CORO2B: variants seen among roughly 807,000 people sequenced by gnomAD.
CORO2B encodes coronin-2B.
Under a neutral mutation model 58.8 loss-of-function variants are expected in CORO2B, and 26 were observed. The observed-to-expected ratio is 0.44, with a 90% CI of 0.32 to 0.61. The LOEUF is 0.61. Ranked by LOEUF, CORO2B falls within the 20% of genes least tolerant of loss-of-function variation. The probability of loss-of-function intolerance (pLI) is 0.04; values close to 1 mark genes in which losing one functional copy is unlikely to be tolerated. For synonymous variants in CORO2B, 242 were observed against 253.8 expected, an observed-to-expected ratio of 0.95 and a Z score of 0.44; for missense variants, 460 against 645.1, an observed-to-expected ratio of 0.71 and a Z score of 3.11.
At chr15:68,669,115 G>C (rs1464785469) in intron 2 of CORO2B, among the ~76,000 whole-genome samples, 1 of 150,760 alleles carries the variant, frequency 6.6e-6, no homozygotes, top group Non-Finnish European at 1.5e-5. Context: ...AGGAAGGAGG[G>C]AAGGAAGGAA....
the CORO2B span, among the ~76,000 whole-genome samples, chr15:68,519,729 T>C: frequency 3.9e-5 from 6 of 152,228 alleles, no homozygotes; most frequent in Admixed American, 2.6e-4. Flanking sequence ...TAGCTTGCCA[T>C]TCTTTTTCTA....
At chr15:68,544,975 C>T in the CORO2B span, among the ~76,000 whole-genome samples, 1 of 152,152 alleles carries the variant, frequency 6.6e-6, no homozygotes, top group Admixed American at 6.5e-5. Flanking sequence ...CGGGGTTTCA[C>T]CGTGTTAGCC....
chr15:68,648,112 C>G (rs1901512795), intron 2 of CORO2B, among the ~76,000 whole-genome samples: 1 of 149,644 alleles, frequency 6.7e-6, no homozygotes, highest in Non-Finnish European at 1.5e-5. Context: ...GTGGGTGGAT[C>G]ACCTGAGTTT....
intron 2 of CORO2B, among the ~76,000 whole-genome samples, chr15:68,675,993 G>C (rs1397711679): frequency 1.3e-5 from 2 of 151,850 alleles, no homozygotes; most frequent in Non-Finnish European, 2.9e-5. Flanking sequence ...GAATAGAATA[G>C]AATAATGCTA....
rs567563637 is a variant in CORO2B, at chr15:68,710,779, G to A, written c.381G>A (p.Thr127=). 6.8e-6 allele frequency: 11 copies of A among 1,612,386 alleles called. No individual in the cohort carries two copies. Among genetic ancestry groups the A allele is most frequent in the African/African-American group, 2.7e-5 (2 of 75,028 alleles). Residue 127 remains threonine (T), a synonymous_variant, in exon 4 of 12, where the codon ACG becomes ACA. Coordinates refer to ENST00000261861, the MANE Select transcript of CORO2B (RefSeq NM_006091.5). This position sits in a 1 kb window ranked among gnomAD's most constrained non-coding sequence, Gnocchi z 4.1. ...IPEGGLKRNM[T]EALLELHGHS... ...AGGGCGGGCTGAAGCGGAACATGACGGAGGCGCTCCTGGAGCTGCACGGGC... is the reference window on the plus strand; with the variant it reads ...AGGGCGGGCTGAAGCGGAACATGACAGAGGCGCTCCTGGAGCTGCACGGGC...
At chr15:68,607,610 G>T (rs1012875913) in intron 1 of CORO2B, among the ~76,000 whole-genome samples, 1 of 152,064 alleles carries the variant, frequency 6.6e-6, no homozygotes, top group African/African-American at 2.4e-5. Flanking sequence ...TTGAAGCCAG[G>T]AGTTTGAGAC....
chr15:68,663,801 G>T (rs185490183), intron 2 of CORO2B, among the ~76,000 whole-genome samples: 1 of 152,136 alleles, frequency 6.6e-6, no homozygotes, highest in African/African-American at 2.4e-5. Flanking sequence ...CCTGTGAAAA[G>T]GTACTACTTT....
At chr15:68,646,385 G>T (rs900113299) in intron 2 of CORO2B, among the ~76,000 whole-genome samples, 6 of 152,182 alleles carry the variant, frequency 3.9e-5, no homozygotes, top group African/African-American at 1.4e-4. Context: ...CGCTCAGGGG[G>T]AGGAAGAGGT....
In CORO2B at chr15:68,710,741, T is replaced by G; in HGVS notation, c.343T>G (p.Trp115Gly). The G allele has an allele frequency of 6.2e-7, 1 of 1,607,428 alleles. No individual in the cohort carries two copies. Among genetic ancestry groups the G allele is most frequent in the Non-Finnish European group, 8.5e-7 (1 of 1,176,740 alleles). ...SCSEDTSVRI[W>G]EIPEGGLKRN... ...TCATCTCCCTCTGCAGGTGCGGATC[T>G]GGGAGATCCCCGAGGGCGGGCTGAA... Residue 115 changes from tryptophan to glycine, a missense_variant, in exon 4 of 12, where the codon TGG becomes GGG. By Grantham distance (184) the Trp-to-Gly change is radical (BLOSUM62 -2). Around this residue, in one of 2 missense-constraint regions of CORO2B, gnomAD observed 352 missense variants for 543.0 expected, o/e 0.65. Transcript: ENST00000261861. This position sits in a 1 kb window ranked among gnomAD's most constrained non-coding sequence, Gnocchi z 4.1.
the CORO2B span, among the ~76,000 whole-genome samples, chr15:68,541,849 T>C: frequency 6.6e-6 from 1 of 152,176 alleles, no homozygotes; most frequent in Admixed American, 6.5e-5. Flanking sequence ...TTTGGAGTTC[T>C]CCGTCTGTGT....
At chr15:68,671,490 G>C (rs765564910) in intron 2 of CORO2B, among the ~76,000 whole-genome samples, 13 of 152,194 alleles carry the variant, frequency 8.5e-5, no homozygotes, top group Admixed American at 8.5e-4. Context: ...AAATATAGCT[G>C]TGTTAATGTT....
intron 3 of CORO2B, among the ~76,000 whole-genome samples, chr15:68,706,836 C>A (rs1366608584): frequency 6.6e-6 from 1 of 152,056 alleles, no homozygotes; most frequent in Admixed American, 6.5e-5. Context: ...CTTAGCCTTC[C>A]CAGTACCTGG....
At chr15:68,723,746 C>T (rs565333125) in intron 11 of CORO2B, among the ~76,000 whole-genome samples, 66 of 152,218 alleles carry the variant, frequency 4.3e-4, no homozygotes, top group South Asian at 3.1e-3. Context: ...CCACCGTGCC[C>T]GGCCGATACC....
chr15:68,530,587 ATGTC>A, the CORO2B span, among the ~76,000 whole-genome samples: 11 of 152,122 alleles, frequency 7.2e-5, no homozygotes, highest in African/African-American at 2.4e-4. Flanking sequence ...ATAATTATGA[ATGTC>A]TGTCCTTGCA....
intron 1 of CORO2B, among the ~76,000 whole-genome samples, chr15:68,643,027 T>C (rs528395691): frequency 6.6e-6 from 1 of 152,300 alleles, no homozygotes; most frequent in South Asian, 2.1e-4. Flanking sequence ...ACTGTATTTT[T>C]CATACTGTAT....
chr15:68,672,182 G>GTGTGTGTA (rs1902424254), intron 2 of CORO2B, among the ~76,000 whole-genome samples: 1 of 152,002 alleles, frequency 6.6e-6, no homozygotes, highest in Non-Finnish European at 1.5e-5. Flanking sequence ...GTGTGTGTGT[G>GTGTGTGTA]TGTACTTTTT....
At chr15:68,681,847 A>C (rs1902800300) in intron 2 of CORO2B, among the ~76,000 whole-genome samples, 1 of 152,184 alleles carries the variant, frequency 6.6e-6, no homozygotes, top group African/African-American at 2.4e-5. Flanking sequence ...ACACAGATGT[A>C]GTTATCTGTT....
rs569446290 is a variant in CORO2B at position 68,579,433 on chromosome 15, C to T, written c.15+156C>T. ...CTTGCTGCCGGATCCGCTCGAGTCA[C>T]TCCGGCCCCCAAGGACTGCGGAGGC... On this transcript the variant is annotated intron_variant, in intron 1 of 11. Coordinates refer to ENST00000261861, the MANE Select transcript of CORO2B (RefSeq NM_006091.5). Among the ~76,000 whole-genome samples, 6 of 152,086 alleles carry T rather than the reference C, an allele frequency of 3.9e-5. No individual in the cohort carries two copies. The East Asian group carries it at 1.2e-3, about 30-fold the overall frequency.
intron 1 of CORO2B, among the ~76,000 whole-genome samples, chr15:68,591,865 G>A (rs9806222): frequency 0.52 from 78,345 of 152,018 alleles, 20,548 homozygotes; most frequent in East Asian, 0.77. Context: ...GTTATAGCAT[G>A]GCGAGAAGAG....
Sources: gnomAD v4.1 joint callset for allele counts (sites outside exome capture counted in the v4.1 genomes callset) on GRCh38, gnomAD v4.1.1 for gene constraint, gnomAD v4.1.1 regional missense constraint, Gnocchi (gnomAD v3.1) non-coding constraint, MANE v1.5 for transcripts, NCBI Gene and HGNC (gene_info 2026-07-23, HGNC 2026-07-21) for gene names.